The following PIEZO1 variants were observed in gnomAD, a reference collection of about 807,000 sequenced individuals.
PIEZO1 encodes piezo type mechanosensitive ion channel component 1 (Er blood group).
In PIEZO1, 296 loss-of-function variants were observed where a neutral mutation model predicts 297.2. That is an observed-to-expected ratio of 1.00 (90% CI 0.91 to 1.10). The LOEUF (loss-of-function observed/expected upper bound fraction) is 1.10. PIEZO1 is among the 50% of genes least tolerant of loss of function. PIEZO1 has a pLI of 0.00. For missense variants in PIEZO1, 5,018 were observed against 3,455.5 expected (o/e 1.45, Z -11.34); for synonymous variants, 2,427 against 1,507.5 (o/e 1.61, Z -14.13).
At position 88,733,412 on chromosome 16, in the gene PIEZO1, C is replaced by A; in HGVS notation, c.2530G>T (p.Ala844Ser). ...NLLLVVLWAF[A>S]LPYPRFRPMA... ...GGCCGGAAGCGTGGGTAGGGCAGGGCGAAGGCCCACAGCACCACCAGCAGC... is the reference window on the plus strand; with the variant it reads ...GGCCGGAAGCGTGGGTAGGGCAGGGAGAAGGCCCACAGCACCACCAGCAGC... The change falls in exon 19 of 51, where the codon GCC becomes TCC. Residue 844 changes from alanine to serine, a missense_variant. By Grantham distance (99) the Ala-to-Ser change is moderately conservative. Transcript: ENST00000301015. The A allele has an allele frequency of 6.5e-7, 1 of 1,549,890 alleles. No individual in the cohort carries two copies.
intron 2 of PIEZO1, among the ~76,000 whole-genome samples, chr16:88,747,865 C>A (rs1384377921): frequency 1.3e-5 from 2 of 152,172 alleles, no homozygotes; most frequent in Admixed American, 6.5e-5. Flanking sequence ...CTGACCCCAC[C>A]CCACCGGCTC....
In PIEZO1 at chr16:88,723,019, G is replaced by A. The variant is rs1175490472; in HGVS notation, c.4496-10C>T. ...ACCACATGGCTCCGGCCTGCGGGAG[G>A]GCGGGAGGGGGCGCTGGAGGGGCAG... is the stretch of plus-strand genomic sequence containing the variant. On this transcript the variant is annotated splice_polypyrimidine_tract_variant and intron_variant, in intron 33 of 50. Coordinates refer to ENST00000301015, the MANE Select transcript of PIEZO1 (RefSeq NM_001142864.4). 2 of 1,543,676 alleles carry A rather than the reference G, an allele frequency of 1.3e-6. No individual in the cohort carries two copies. Among genetic ancestry groups the A allele is most frequent in the Non-Finnish European group, 8.7e-7 (1 of 1,144,852 alleles).
In PIEZO1 at chr16:88,734,682, G is replaced by A; in HGVS notation, c.1965C>T (p.Tyr655=). 4 of 1,550,364 alleles carry A rather than the reference G, an allele frequency of 2.6e-6. No individual in the cohort carries two copies. The highest frequency in any genetic ancestry group is 3.5e-6 in the Non-Finnish European group (4 of 1,146,952). ...YTFQFQDFPA[Y]WRNLTGFTDE... ...CGGTGAAGCCAGTGAGGTTGCGCCA[G>A]TAGGCAGGGAAGTCCTGGAACTGGA... Residue 655 remains tyrosine, a synonymous_variant, in exon 15 of 51, where the codon TAC becomes TAT. Coordinates refer to ENST00000301015, the MANE Select transcript of PIEZO1 (RefSeq NM_001142864.4).
intron 10 of PIEZO1, 22 bp downstream of exon 10, chr16:88,737,537 C>G (rs1325743326): frequency 1.3e-6 from 2 of 1,495,344 alleles, no homozygotes; most frequent in African/African-American, 1.4e-5. Context: ...CCCAGCCATA[C>G]CTTGCAGTGT....
rs1908127428 is a variant in PIEZO1 at position 88,785,159 on chromosome 16, G to A, written c.-195C>T. On this transcript the variant is annotated 5_prime_UTR_variant, in exon 1 of 51. Coordinates refer to ENST00000301015, the MANE Select transcript of PIEZO1 (RefSeq NM_001142864.4). ...CCGCGCTCGCTCAGGCGACCGCCCT[G>A]CCCCTCGGCGGAGCGCAGCGCTCGG... 3.4e-6 allele frequency: 1 copy of A among 295,216 alleles called. No homozygotes were observed. Among genetic ancestry groups the A allele is most frequent in the Non-Finnish European group, 6.0e-6 (1 of 165,652 alleles). The allele number at this position is 295,216 out of a possible 1,614,324, so 18.3% of individuals were successfully genotyped here. A position where few individuals can be genotyped will look rare whatever the true frequency, so the allele number is the denominator to read the frequency against.
intron 12 of PIEZO1, 89 bp downstream of exon 12, chr16:88,736,059 C>G (rs1905190533): frequency 7.5e-7 from 1 of 1,327,106 alleles, no homozygotes; most frequent in Non-Finnish European, 1.0e-6. Flanking sequence ...GGCGCTGCCA[C>G]TCCCCCGGGC....
intron 1 of PIEZO1, among the ~76,000 whole-genome samples, chr16:88,755,467 C>T (rs910153483): frequency 1.3e-5 from 2 of 152,222 alleles, no homozygotes; most frequent in Non-Finnish European, 2.9e-5. Context: ...CCGCCACGTT[C>T]CCAGCCACCT....
rs1274233891 is a variant in PIEZO1, at chr16:88,716,129, A to AG, written c.7130-11dup. 1.9e-6 allele frequency: 3 copies of AG among 1,538,820 alleles called. No individual in the cohort carries two copies. The highest frequency in any genetic ancestry group is 2.6e-6 in the Non-Finnish European group (3 of 1,138,852). On this transcript the variant is annotated splice_polypyrimidine_tract_variant and intron_variant, in intron 49 of 50. Coordinates refer to ENST00000301015, the MANE Select transcript of PIEZO1 (RefSeq NM_001142864.4). ...TAGTCGGCCTCCTCATCTGGGATGG[A>AG]GGGAGAAGATCGTTGAGGCCGCAGG...
chr16:88,768,494 C>T (rs985588103), intron 1 of PIEZO1, among the ~76,000 whole-genome samples: 1 of 152,228 alleles, frequency 6.6e-6, no homozygotes, highest in African/African-American at 2.4e-5. Flanking sequence ...CCCTCTCACC[C>T]ACCACATCCT....
intron 5 of PIEZO1, chr16:88,741,073 G>A (rs1444018470): frequency 1.3e-5 from 2 of 158,582 alleles, no homozygotes; most frequent in Non-Finnish European, 2.8e-5. Flanking sequence ...TGGGGCTCTG[G>A]GCCGACAGCC....
At chr16:88,725,969 G>A in intron 27 of PIEZO1, 1 of 567,402 alleles carries the variant, frequency 1.8e-6, no homozygotes, top group Non-Finnish European at 3.1e-6. Context: ...CCCTCCCTGG[G>A]GCAGTCGTGA....
chr16:88,733,967 C>G lies in PIEZO1; in HGVS notation c.2268G>C (p.Glu756Asp), dbSNP rs1014500689. 5.8e-6 allele frequency: 8 copies of G among 1,380,732 alleles called. No individual in the cohort carries two copies. In the African/African-American group the frequency reaches 8.4e-5, roughly 15 times the overall value. 85.5% of individuals were successfully genotyped at this position (1,380,732 alleles called of 1,614,324 possible). The change falls in exon 17 of 51, where the codon GAG becomes GAC. Residue 756 changes from glutamate to aspartate, a missense_variant. By Grantham distance (45) the Glu-to-Asp change is conservative. Transcript: ENST00000301015. Reference protein sequence around the residue: ...QQQQEEEEEEEDSRDEGLGVA... With the variant: ...QQQQEEEEEEDDSRDEGLGVA... ...CGCCCAGCCCCTCGTCCCTGGAGTCCTCCTCCTCCTCCTCCTCCTCCTGCT... is the reference window on the plus strand; with the variant it reads ...CGCCCAGCCCCTCGTCCCTGGAGTCGTCCTCCTCCTCCTCCTCCTCCTGCT...
At position 88,732,671 on chromosome 16, in the gene PIEZO1, C is replaced by A; in HGVS notation, c.2726G>T (p.Gly909Val). The A allele has an allele frequency of 6.5e-7, 1 of 1,549,674 alleles. No individual in the cohort carries two copies. Among genetic ancestry groups the A allele is most frequent in the Non-Finnish European group, 8.7e-7 (1 of 1,146,514 alleles). ...AAACCAGTTGGCAGGGTCCACGGGC[C>A]CCCGGTACAGCAGGGACTGGCTGAT... ...TEISQSLLYR[G>V]PVDPANWFGV... Residue 909 changes from glycine to valine, a missense_variant, in exon 20 of 51, where the codon GGG (glycine) becomes GTG (valine). Gly to Val is a moderately radical substitution (Grantham distance 109). Coordinates refer to ENST00000301015, the MANE Select transcript of PIEZO1 (RefSeq NM_001142864.4).
At position 88,725,468 on chromosome 16, in the gene PIEZO1, G is replaced by A. The variant is rs758306341; in HGVS notation, c.4110C>T (p.Asp1370=). The A allele has an allele frequency of 6.3e-5, 95 of 1,511,862 alleles. No individual in the cohort carries two copies. The highest frequency in any genetic ancestry group is 6.2e-6 in the Non-Finnish European group (7 of 1,126,108). 93.7% of individuals were successfully genotyped at this position (1,511,862 alleles called of 1,614,324 possible). The change falls in exon 29 of 51, where the codon GAC becomes GAT. Residue 1370 remains aspartate, a synonymous_variant. Coordinates refer to ENST00000301015, the MANE Select transcript of PIEZO1 (RefSeq NM_001142864.4). ...CCAGGGTGTCCTGGGGGCGACTGCG[G>A]TCCACCCGGCCCTGCCTGTGCTTCT... ...KQEKHRQGRV[D]RSRPQDTLGP...
At chr16:88,772,892 C>T (rs1295798581) in intron 1 of PIEZO1, among the ~76,000 whole-genome samples, 1 of 152,192 alleles carries the variant, frequency 6.6e-6, no homozygotes, top group Non-Finnish European at 1.5e-5. Flanking sequence ...GCTCCTGAGG[C>T]CGCAGGCTGG....
At chr16:88,778,674 A>G (rs1907787186) in intron 1 of PIEZO1, among the ~76,000 whole-genome samples, 1 of 152,226 alleles carries the variant, frequency 6.6e-6, no homozygotes, top group African/African-American at 2.4e-5. Flanking sequence ...GCAGCTGCCC[A>G]GATCCTCACC....
intron 22 of PIEZO1, among the ~76,000 whole-genome samples, chr16:88,729,527 T>G (rs1422063052): frequency 1.1e-4 from 13 of 123,696 alleles, no homozygotes; most frequent in South Asian, 2.8e-4. Context: ...ACCCAGGACA[T>G]GCTGAACCCA....
rs1048314003 is a variant in PIEZO1 at position 88,733,626 on chromosome 16, G to C, written c.2449C>G (p.Leu817Val). 4 of 1,549,428 alleles carry C rather than the reference G, an allele frequency of 2.6e-6. No homozygotes were observed. In the African/African-American group the frequency reaches 4.1e-5, roughly 16 times the overall value. The change falls in exon 18 of 51, where the codon CTG (leucine) becomes GTG (valine). Residue 817 changes from leucine to valine, a missense_variant. Coordinates refer to ENST00000301015, the MANE Select transcript of PIEZO1 (RefSeq NM_001142864.4). ...RRLLELHVFK[L>V]VALYTVWVAL... ...ACCCAGACGGTGTACAGGGCCACCA[G>C]CTTGAAAACGTGAAGCTCCAGCAGC...
chr16:88,738,263 G>T lies in PIEZO1; in HGVS notation c.812C>A (p.Ala271Glu). 1 of 1,535,888 alleles carries T rather than the reference G, an allele frequency of 6.5e-7. No homozygotes were observed. Among genetic ancestry groups the T allele is most frequent in the South Asian group, 1.2e-5 (1 of 84,062 alleles). Residue 271 changes from alanine (A) to glutamate (E), a missense_variant, in exon 7 of 51, where the codon GCA (alanine) becomes GAA (glutamate). Physicochemically the swap from Ala to Glu is moderately radical, Grantham distance 107. Transcript: ENST00000301015. ...GCCGGCAGGCGGGAGCAGAGCCTGTGCCAAGGGCATCTGGTAGCAGTAGAG... is the reference window on the plus strand; with the variant it reads ...GCCGGCAGGCGGGAGCAGAGCCTGTTCCAAGGGCATCTGGTAGCAGTAGAG... ...ICLYCYQMPL[A>E]QALLPPAGIW...
Sources: allele counts gnomAD v4.1 joint callset (sites outside exome capture counted in the v4.1 genomes callset), GRCh38; gene constraint gnomAD v4.1.1; transcripts MANE v1.5; gene names NCBI Gene and HGNC (gene_info 2026-07-23, HGNC 2026-07-21).